CFAP61: variants seen among roughly 807,000 people sequenced by gnomAD.
The protein encoded by CFAP61 is cilia and flagella associated protein 61, also known as cilia- and flagella-associated protein 61.
CFAP61 carries 107 observed loss-of-function variants against 135.6 expected under a neutral mutation model. The observed-to-expected ratio is 0.79, with a 90% CI of 0.67 to 0.93. CFAP61 has a LOEUF of 0.93. CFAP61 is among the 40% of genes least tolerant of loss of function. The pLI is 0.00. For missense variants in CFAP61, 1,507 were observed against 1,556.2 expected (o/e 0.97, Z 0.53); for synonymous variants, 575 against 578.5 (o/e 0.99, Z 0.09).
chr20:20,180,156 C>A (rs1276550008), intron 13 of CFAP61, among the ~76,000 whole-genome samples: 1 of 152,038 alleles, frequency 6.6e-6, no homozygotes, highest in East Asian at 1.9e-4. Context: ...CTATAGGGAA[C>A]TTAAACAAAT....
At chr20:20,200,323 G>A (rs548253974) in intron 17 of CFAP61, among the ~76,000 whole-genome samples, 1 of 152,088 alleles carries the variant, frequency 6.6e-6, no homozygotes, top group African/African-American at 2.4e-5. Context: ...GGCTGCATTC[G>A]AGATGTTTGG....
At chr20:20,308,469 G>A (rs1569277775) in intron 25 of CFAP61, among the ~76,000 whole-genome samples, 1 of 151,756 alleles carries the variant, frequency 6.6e-6, no homozygotes. Flanking sequence ...GGGCTGGTGT[G>A]GGGGAAGGGG....
intron 17 of CFAP61, among the ~76,000 whole-genome samples, chr20:20,208,163 A>G (rs2056941786): frequency 1.3e-5 from 2 of 152,172 alleles, no homozygotes; most frequent in South Asian, 4.1e-4. Flanking sequence ...GGTAATGCAA[A>G]TGAGCGTTAA....
chr20:20,133,407 G>A (rs2050690648), intron 8 of CFAP61, among the ~76,000 whole-genome samples: 1 of 152,142 alleles, frequency 6.6e-6, no homozygotes, highest in African/African-American at 2.4e-5. Context: ...TCTTGTACAG[G>A]TTCTCATGGA....
At chr20:20,065,249 C>T (rs1478025628) in intron 2 of CFAP61, among the ~76,000 whole-genome samples, 3 of 152,122 alleles carry the variant, frequency 2.0e-5, no homozygotes, top group Admixed American at 6.5e-5. Context: ...TATCCAGCTT[C>T]CTGGTGAATG....
intron 19 of CFAP61, 108 bp from the exon 20 acceptor site, chr20:20,251,487 A>G (rs953808598): frequency 1.3e-5 from 13 of 982,654 alleles, no homozygotes; most frequent in Non-Finnish European, 2.0e-5. Flanking sequence ...ACTCACAGCA[A>G]GAGCACGGAC....
chr20:20,212,141 G>A (rs1471393511), intron 17 of CFAP61, among the ~76,000 whole-genome samples: 2 of 152,270 alleles, frequency 1.3e-5, no homozygotes, highest in East Asian at 3.9e-4. Flanking sequence ...AGGCTGGCAG[G>A]CCCCTTTCAG....
At chr20:20,304,860 A>G (rs2056370733) in intron 25 of CFAP61, among the ~76,000 whole-genome samples, 2 of 151,220 alleles carry the variant, frequency 1.3e-5, no homozygotes, top group African/African-American at 4.9e-5. Context: ...GGCTTTCCTG[A>G]CTCCACTCCA....
rs562501853 is a variant in CFAP61 at position 20,350,231 on chromosome 20, G to A, written c.3513+8310G>A. On this transcript the variant is annotated intron_variant, in intron 26 of 26. Transcript: ENST00000245957. ...AAAATGGGAACTGAATTGCTGGTGG[G>A]AACATAAAATTACACCTGCTATAGA... Among the ~76,000 whole-genome samples, 12 of 152,296 alleles carry A rather than the reference G, an allele frequency of 7.9e-5. No homozygotes were observed. The South Asian group carries it at 2.1e-3, about 26-fold the overall frequency.
chr20:20,071,034 A>T, intron 3 of CFAP61, 30 bp downstream of exon 3: 1 of 1,607,552 alleles, frequency 6.2e-7, no homozygotes, highest in Non-Finnish European at 8.5e-7. Flanking sequence ...GCTTGTTAGA[A>T]CACCCTGAAT....
intron 25 of CFAP61, among the ~76,000 whole-genome samples, chr20:20,310,228 A>T (rs1323665841): frequency 1.3e-5 from 2 of 152,192 alleles, no homozygotes; most frequent in African/African-American, 4.8e-5. Flanking sequence ...TCCTGATCTC[A>T]GATGATCCAC....
intron 13 of CFAP61, chr20:20,184,667 G>A (rs73283152): frequency 0.022 from 3,331 of 152,318 alleles, 122 homozygotes; most frequent in African/African-American, 0.076. Flanking sequence ...TGATGAGGTA[G>A]GAACTTCCTC....
chr20:20,298,388 T>A lies in CFAP61; in HGVS notation c.3422+2T>A. The A allele has an allele frequency of 6.2e-7, 1 of 1,611,634 alleles. No individual in the cohort carries two copies. Among genetic ancestry groups the A allele is most frequent in the Non-Finnish European group, 8.5e-7 (1 of 1,177,930 alleles). Reference sequence around the variant, plus strand: ...AAACCTGATCACAGATCTCTATAGGTGAGTTGGACATTGCATTTGACTACA... The same window carrying A: ...AAACCTGATCACAGATCTCTATAGGAGAGTTGGACATTGCATTTGACTACA... On this transcript the variant is annotated splice_donor_variant, in intron 25 of 26. Transcript: ENST00000245957. LOFTEE classifies it high-confidence loss of function.
At chr20:20,056,021 T>C in intron 1 of CFAP61, 1 of 1,601,576 alleles carries the variant, frequency 6.2e-7, no homozygotes, top group Non-Finnish European at 8.5e-7. Flanking sequence ...TCATTAGAGA[T>C]TCTCTTCCCA....
chr20:20,294,018 A>G (rs75916241), intron 24 of CFAP61, among the ~76,000 whole-genome samples: 4,538 of 152,310 alleles, frequency 0.03, 231 homozygotes, highest in African/African-American at 0.1. Flanking sequence ...GGAAAAAAAG[A>G]AGAAGAAAAA....
In CFAP61 at chr20:20,056,701, C is replaced by G; in HGVS notation, c.48C>G (p.Cys16Trp). 6.2e-7 allele frequency: 1 copy of G among 1,613,806 alleles called. No individual in the cohort carries two copies. The highest frequency in any genetic ancestry group is 8.5e-7 in the Non-Finnish European group (1 of 1,179,722). The change falls in exon 2 of 27, where the codon TGC (cysteine) becomes TGG (tryptophan). Residue 16 changes from cysteine to tryptophan, a missense_variant. Transcript: ENST00000245957. ...GAGGAAAGGTAGAAGTTGTTCATTG[C>G]CGAAGAACAGAATCACAGGATGTTT... is the stretch of plus-strand genomic sequence containing the variant. The part of the protein sequence containing the change: ...SPRGKVEVVH[C>W]RRTESQDVYC...
intron 18 of CFAP61, among the ~76,000 whole-genome samples, chr20:20,236,665 C>A (rs1285491587): frequency 2.0e-5 from 3 of 152,160 alleles, no homozygotes; most frequent in African/African-American, 7.2e-5. Flanking sequence ...CAAGAAAAAA[C>A]CTGCCCATGT....
Position 20,159,404 on chromosome 20 carries a change from C to A in CFAP61, c.986C>A (p.Ala329Asp), listed in dbSNP as rs115322632. 1.2e-5 allele frequency: 20 copies of A among 1,613,994 alleles called. No individual in the cohort carries two copies. In the East Asian group the frequency reaches 4.0e-4, roughly 32 times the overall value. Residue 329 changes from alanine to aspartate, a missense_variant, in exon 10 of 27, where the codon GCT becomes GAT. Transcript: ENST00000245957. ...NIAREAASEE[A>D]LTAVQSGNVS... ...GCCAGAGAAGCTGCATCCGAGGAAG[C>A]TTTAACAGCAGTCCAAAGTGGAAAT...
At chr20:20,098,086 T>C (rs114154587) in intron 7 of CFAP61, among the ~76,000 whole-genome samples, 2,611 of 152,268 alleles carry the variant, frequency 0.017, 60 homozygotes, top group Middle Eastern at 0.065. Flanking sequence ...GGGCAAGTGT[T>C]CCAATGGTTG....
Sources: allele counts gnomAD v4.1 joint callset (sites outside exome capture counted in the v4.1 genomes callset), GRCh38; gene constraint gnomAD v4.1.1; transcripts MANE v1.5; gene names NCBI Gene and HGNC (gene_info 2026-07-23, HGNC 2026-07-21).